Variants in HDAC4 observed in about 807,000 individuals in gnomAD.
The protein encoded by HDAC4 is histone deacetylase A.
In HDAC4, 16 loss-of-function variants were observed where a neutral mutation model predicts 135.1. The observed-to-expected ratio is 0.12, with a 90% CI of 0.08 to 0.18. The LOEUF is 0.18. HDAC4 is among the 10% of genes least tolerant of loss of function. HDAC4 has a pLI of 1.00. For synonymous variants in HDAC4, 685 were observed against 653.4 expected, an observed-to-expected ratio of 1.05 and a Z score of -0.74; for missense variants, 1,143 against 1,511.8, an observed-to-expected ratio of 0.76 and a Z score of 4.05.
intron 2 of HDAC4, among the ~76,000 whole-genome samples, chr2:239,304,174 C>T (rs1259073776): frequency 6.6e-6 from 1 of 152,188 alleles, no homozygotes; most frequent in Non-Finnish European, 1.5e-5. Flanking sequence ...TTCACAAAGC[C>T]CAGAGCTAGA....
Position 239,215,536 on chromosome 2 carries a change from G to A in HDAC4, c.94+21057C>T, listed in dbSNP as rs374541125. On this transcript the variant is annotated intron_variant, in intron 3 of 26. Coordinates refer to ENST00000543185, the MANE Select transcript of HDAC4 (RefSeq NM_001378414.1). ...TGGAGTGGGCAAGGGCTCAGGACGG[G>A]GCTGGCTCAAGGCGCAGGGAGATCG... Among the ~76,000 whole-genome samples the A allele has an allele frequency of 2.6e-5, 4 of 152,164 alleles. No individual in the cohort carries two copies. In the East Asian group the frequency reaches 7.7e-4, roughly 29 times the overall value.
intron 1 of HDAC4, among the ~76,000 whole-genome samples, chr2:239,393,290 AAGTT>A (rs1696353327): frequency 6.6e-6 from 1 of 152,228 alleles, no homozygotes; most frequent in African/African-American, 2.4e-5. Context: ...TGCCTCCACA[AAGTT>A]AGAACAAGAG....
At chr2:239,305,272 C>T (rs919651786) in intron 2 of HDAC4, among the ~76,000 whole-genome samples, 2 of 152,218 alleles carry the variant, frequency 1.3e-5, no homozygotes, top group Admixed American at 6.5e-5. Flanking sequence ...TTTCTGAAAG[C>T]GATGGCAGTC....
rs1418290359 is a variant in HDAC4 at position 239,111,656 on chromosome 2, G to A, written c.1848C>T (p.Ser616=). The stretch of plus-strand genomic sequence containing the variant: ...ACACGGGGATGCCGGCGGCCTCCAT[G>A]GACGCCTGGTAGTTCCTCAGCTGGT... ...RIHQLRNYQA[S]MEAAGIPVSF... The change falls in exon 14 of 27, where the codon TCC becomes TCT. Residue 616 remains serine, a synonymous_variant. Coordinates refer to ENST00000543185, the MANE Select transcript of HDAC4 (RefSeq NM_001378414.1). 1.9e-6 allele frequency: 3 copies of A among 1,606,084 alleles called. No individual in the cohort carries two copies. In the Admixed American group the frequency reaches 5.1e-5, roughly 27 times the overall value.
At chr2:239,137,075 T>C (rs1265345059) in intron 9 of HDAC4, among the ~76,000 whole-genome samples, 1 of 152,244 alleles carries the variant, frequency 6.6e-6, no homozygotes, top group African/African-American at 2.4e-5. Flanking sequence ...CGTTCTAATG[T>C]TTGCAAAGTT....
At chr2:239,367,866 C>T (rs1353567029) in intron 1 of HDAC4, among the ~76,000 whole-genome samples, 3 of 151,946 alleles carry the variant, frequency 2.0e-5, no homozygotes, top group South Asian at 2.1e-4. Context: ...TCCAGCTACT[C>T]GGGAGGGAGG....
At chr2:239,233,165 T>A (rs1351271555) in intron 3 of HDAC4, among the ~76,000 whole-genome samples, 1 of 152,230 alleles carries the variant, frequency 6.6e-6, no homozygotes. Context: ...TACTTTACAA[T>A]TAAAATTTTT....
intron 15 of HDAC4, among the ~76,000 whole-genome samples, chr2:239,105,494 C>T (rs2038042503): frequency 6.6e-6 from 1 of 152,218 alleles, no homozygotes; most frequent in African/African-American, 2.4e-5. Flanking sequence ...GAGACAGCTG[C>T]ACTGGGAGCC....
At chr2:239,120,395 G>GCA (rs769025619) in intron 12 of HDAC4, among the ~76,000 whole-genome samples, 2,273 of 145,288 alleles carry the variant, frequency 0.016, 30 homozygotes, top group South Asian at 0.022. Flanking sequence ...ACACACAGAC[G>GCA]CACACAGACA....
At chr2:239,151,784 A>T (rs2042134121) in intron 7 of HDAC4, among the ~76,000 whole-genome samples, 2 of 152,210 alleles carry the variant, frequency 1.3e-5, no homozygotes, top group African/African-American at 4.8e-5. Context: ...TCCTTAAAAG[A>T]GCCAGGACAA....
chr2:239,311,731 T>A (rs530043904), intron 2 of HDAC4, among the ~76,000 whole-genome samples: 1 of 152,182 alleles, frequency 6.6e-6, no homozygotes, highest in African/African-American at 2.4e-5. Context: ...TTAAACTACA[T>A]TCTGACACGA....
chr2:239,179,916 G>A (rs1047455127), intron 4 of HDAC4, among the ~76,000 whole-genome samples: 3 of 152,236 alleles, frequency 2.0e-5, no homozygotes, highest in African/African-American at 7.2e-5. Flanking sequence ...ACGTGCTTGT[G>A]CACCCAAGTG....
At chr2:239,236,519 T>C in intron 3 of HDAC4, 74 bp downstream of exon 3, 1 of 1,228,560 alleles carries the variant, frequency 8.1e-7, no homozygotes, top group Middle Eastern at 2.2e-4. Flanking sequence ...ACTCCTCCAA[T>C]AAGGCAGAGC....
At chr2:239,204,522 G>A (rs542183090) in intron 3 of HDAC4, among the ~76,000 whole-genome samples, 4 of 152,292 alleles carry the variant, frequency 2.6e-5, no homozygotes, top group South Asian at 4.1e-4. Context: ...TTCGGATCAC[G>A]TCCAGTGAAA....
chr2:239,223,171 A>G (rs750883611), intron 3 of HDAC4, among the ~76,000 whole-genome samples: 21 of 152,222 alleles, frequency 1.4e-4, no homozygotes, highest in Non-Finnish European at 2.5e-4. Flanking sequence ...GCAACCTCCA[A>G]ACGTTTGGTT....
rs2152799402 is a variant in HDAC4 at position 239,111,603 on chromosome 2, C to G, written c.1901G>C (p.Arg634Pro). 1 of 1,611,400 alleles carries G rather than the reference C, an allele frequency of 6.2e-7. No individual in the cohort carries two copies. Among genetic ancestry groups the G allele is most frequent in the Non-Finnish European group, 8.5e-7 (1 of 1,179,406 alleles). The change falls in exon 14 of 27, where the codon CGG becomes CCG. Residue 634 changes from arginine (R) to proline (P), a missense_variant. By Grantham distance (103) the Arg-to-Pro change is moderately radical (BLOSUM62 -2). Coordinates refer to ENST00000543185, the MANE Select transcript of HDAC4 (RefSeq NM_001378414.1). ...VSFGGHRPLS[R>P]AQSSPASATF... is the part of the protein sequence containing the mutation. ...GGCAGACGCGGGTGAGGACTGCGCC[C>G]GGGACAGAGGCCTGTGGCCGCCGAA...
intron 5 of HDAC4, among the ~76,000 whole-genome samples, chr2:239,170,761 C>T (rs1482124733): frequency 6.6e-6 from 1 of 152,196 alleles, no homozygotes; most frequent in East Asian, 1.9e-4. Context: ...AGGTCAGAAA[C>T]AGGGACCGCG....
chr2:239,319,382 T>C (rs2053231935), intron 2 of HDAC4, among the ~76,000 whole-genome samples: 1 of 152,180 alleles, frequency 6.6e-6, no homozygotes, highest in Admixed American at 6.5e-5. Flanking sequence ...AACATAAAAA[T>C]GGGTGACCCA....
chr2:239,388,888 G>T (rs1696009881), intron 1 of HDAC4, among the ~76,000 whole-genome samples: 2 of 152,156 alleles, frequency 1.3e-5, no homozygotes, highest in African/African-American at 4.8e-5. Flanking sequence ...GACTTCCAGG[G>T]CCCCGGGTTT....
Sources: gnomAD v4.1 joint callset for allele counts (sites outside exome capture counted in the v4.1 genomes callset) on GRCh38, gnomAD v4.1.1 for gene constraint, MANE v1.5 for transcripts, NCBI Gene and HGNC (gene_info 2026-07-23, HGNC 2026-07-21) for gene names.